The following ZNF557 variants were observed in gnomAD, a reference collection of about 807,000 sequenced individuals.
ZNF557 encodes the protein CTB-25J19.9.
A neutral mutation model predicts 21.2 loss-of-function variants in ZNF557; 19 were observed. The ratio of observed to expected loss-of-function variants is 0.90; its 90% CI spans 0.63 to 1.32. ZNF557 has a LOEUF of 1.32. ZNF557 is among the 40% of genes most tolerant of loss of function. ZNF557 has a pLI of 0.00. For synonymous variants in ZNF557, 207 were observed against 194.8 expected (o/e 1.06, Z -0.52); for missense variants, 487 against 519.8 (o/e 0.94, Z 0.61).
chr19:7,082,660 ACT>A (rs1462958521), intron 7 of ZNF557, among the ~76,000 whole-genome samples: 1 of 152,148 alleles, frequency 6.6e-6, no homozygotes, highest in African/African-American at 2.4e-5. Flanking sequence ...TATCAAAAAT[ACT>A]CTGTGAATAT....
chr19:7,077,026 A>G (rs901612299), intron 5 of ZNF557, among the ~76,000 whole-genome samples: 6 of 151,234 alleles, frequency 4.0e-5, no homozygotes, highest in African/African-American at 1.2e-4. Flanking sequence ...GGGATTACAG[A>G]TGTGAGCTAC....
chr19:7,075,625 G>A (rs750300147), intron 3 of ZNF557, 30 bp from the exon 4 acceptor site: 1 of 1,609,540 alleles, frequency 6.2e-7, no homozygotes, highest in Non-Finnish European at 8.5e-7. Flanking sequence ...GGCAGGTGTG[G>A]ATTCCTGGTA....
At chr19:7,080,163 G>T (rs974304229) in intron 5 of ZNF557, among the ~76,000 whole-genome samples, 1 of 152,110 alleles carries the variant, frequency 6.6e-6, no homozygotes, top group Admixed American at 6.5e-5. Context: ...AATCAGCCAG[G>T]CGTGGTGGCA....
chr19:7,082,745 C>T, intron 7 of ZNF557, 133 bp from the exon 8 acceptor site: 1 of 791,308 alleles, frequency 1.3e-6, no homozygotes, highest in Non-Finnish European at 1.9e-6. Context: ...CATGTACCAG[C>T]ACTCATGATG....
At chr19:7,073,153 T>TG (rs1568405639) in intron 2 of ZNF557, among the ~76,000 whole-genome samples, 1 of 50,320 alleles carries the variant, frequency 2.0e-5, no homozygotes, top group African/African-American at 8.1e-5. Context: ...TTTTGGTTTT[T>TG]TTTGTTTTTT....
Position 7,082,864 on chromosome 19 carries a change from C to T in ZNF557, c.427-14C>T, listed in dbSNP as rs1207264427. 2.6e-6 allele frequency: 4 copies of T among 1,544,320 alleles called. No homozygotes were observed. Among genetic ancestry groups the T allele is most frequent in the Non-Finnish European group, 8.7e-7 (1 of 1,148,482 alleles). Reference sequence around the variant, plus strand: ...TATTATAAATGGTACTTATTGTCATCTCTTAATCAATAGGAGAGGAATCAT... The same window carrying T: ...TATTATAAATGGTACTTATTGTCATTTCTTAATCAATAGGAGAGGAATCAT... On this transcript the variant is annotated splice_polypyrimidine_tract_variant and intron_variant, in intron 7 of 7. Transcript: ENST00000252840.
In ZNF557 at chr19:7,077,135, T is replaced by TTTC. The variant is rs1977601457; in HGVS notation, c.247+630_247+631insCTT. ...TGCTTAGCATAATGTTTTCTTTCTT[T>TTTC]TTTTTTTTTTTTTTTTTTGAGATGG... On this transcript the variant is annotated intron_variant, in intron 5 of 7. Transcript: ENST00000252840. 2.4e-5 allele frequency among the ~76,000 whole-genome samples: 3 copies of TTTC among 127,278 alleles called. No individual in the cohort carries two copies. In the South Asian group the frequency reaches 8.3e-4, roughly 35 times the overall value. The allele number at this position is 127,278 out of a possible 152,430, so 83.5% of individuals were successfully genotyped here.
Position 7,074,992 on chromosome 19 carries a change from C to A in ZNF557, c.-79-4C>A. On this transcript the variant is annotated splice_region_variant and splice_polypyrimidine_tract_variant and intron_variant, in intron 2 of 7. Coordinates refer to ENST00000252840, the MANE Select transcript of ZNF557 (RefSeq NM_024341.3). ...AGGCAGAGTGTTCCCCCCATTTCTT[C>A]CAGGGTGCTGTCCTGAGAGCGCTGC... The A allele has an allele frequency of 1.2e-6, 2 of 1,609,000 alleles. No homozygotes were observed. The highest frequency in any genetic ancestry group is 8.5e-7 in the Non-Finnish European group (1 of 1,177,272).
intron 5 of ZNF557, among the ~76,000 whole-genome samples, chr19:7,078,491 C>CA: frequency 1.3e-5 from 2 of 150,654 alleles, no homozygotes; most frequent in Non-Finnish European, 2.9e-5. Flanking sequence ...AGTGCACTGG[C>CA]ACGATCTCAG....
Position 7,083,504 on chromosome 19 carries a change from TG to T in ZNF557, c.1054del (p.Glu352SerfsTer44). 6.2e-7 allele frequency: 1 copy of T among 1,614,190 alleles called. No homozygotes were observed. The highest frequency in any genetic ancestry group is 1.6e-4 in the Middle Eastern group (1 of 6,062). The stretch of plus-strand genomic sequence containing the variant: ...CTGGAGAAAAACCCTACACATGTAA[TG>T]AGTGTGGGAAATCCTTTACCAATAG... ...HTGEKPYTCN[E>X]CGKSFTNSFS... On this transcript the variant is annotated frameshift_variant, in exon 8 of 8. Coordinates refer to ENST00000252840, the MANE Select transcript of ZNF557 (RefSeq NM_024341.3). LOFTEE classifies it low-confidence loss of function (END_TRUNC).
intron 2 of ZNF557, among the ~76,000 whole-genome samples, chr19:7,074,178 T>C (rs1021082445): frequency 6.6e-6 from 1 of 151,882 alleles, no homozygotes; most frequent in Non-Finnish European, 1.5e-5. Context: ...TTTTTTATTT[T>C]TATTTTTTTA....
intron 6 of ZNF557, 72 bp downstream of exon 6, chr19:7,081,527 T>A: frequency 9.9e-7 from 1 of 1,007,308 alleles, no homozygotes; most frequent in Non-Finnish European, 1.5e-6. Flanking sequence ...GGGAGTATTA[T>A]AATACATTAG....
chr19:7,075,646 C>T lies in ZNF557; in HGVS notation c.32-9C>T, dbSNP rs1224319758. 2 of 1,612,882 alleles carry T rather than the reference C, an allele frequency of 1.2e-6. No homozygotes were observed. Among genetic ancestry groups the T allele is most frequent in the Non-Finnish European group, 1.7e-6 (2 of 1,179,172 alleles). On this transcript the variant is annotated splice_polypyrimidine_tract_variant and intron_variant, in intron 3 of 7. Transcript: ENST00000252840. ...TGTGGATTCCTGGTACTCATTTCTC[C>T]TCCTCCAGCTCTGTCTTCCCTGTTC...
rs751570081 is a variant in ZNF557, at chr19:7,082,954, C to A, written c.503C>A (p.Thr168Lys). ...GTCTTCAGCACAAAATCTTCCCTTA[C>A]ACGGCACAGGAAGATTCATACTGGA... ...FKVFSTKSSL[T>K]RHRKIHTGER... is the part of the protein sequence containing the mutation. The change falls in exon 8 of 8, where the codon ACA (threonine) becomes AAA (lysine). Residue 168 changes from threonine (T) to lysine (K), a missense_variant. Thr to Lys is a moderately conservative substitution (Grantham distance 78, BLOSUM62 -1). Transcript: ENST00000252840. 2.5e-6 allele frequency: 4 copies of A among 1,613,806 alleles called. No homozygotes were observed. Among genetic ancestry groups the A allele is most frequent in the South Asian group, 2.2e-5 (2 of 91,028 alleles).
chr19:7,082,003 C>T lies in ZNF557; in HGVS notation c.377C>T (p.Thr126Ile). 6.2e-7 allele frequency: 1 copy of T among 1,614,004 alleles called. No homozygotes were observed. The highest frequency in any genetic ancestry group is 8.5e-7 in the Non-Finnish European group (1 of 1,179,902). Residue 126 changes from threonine (T) to isoleucine (I), a missense_variant, in exon 7 of 8, where the codon ACT becomes ATT. Thr to Ile is a moderately conservative substitution (Grantham distance 89). Transcript: ENST00000252840. ...AATCCATTTAAAGCCAAAGGGTTAA[C>T]TCCTAAGCTGCATGTTTTTCGAAAA... ...VENPFKAKGLTPKLHVFRKEQ... is the reference protein window; with the variant it reads ...VENPFKAKGLIPKLHVFRKEQ...
chr19:7,083,706 C>G lies in ZNF557; in HGVS notation c.1255C>G (p.Leu419Val). 3 of 1,613,094 alleles carry G rather than the reference C, an allele frequency of 1.9e-6. 1 individual carries two copies. In the South Asian group the frequency reaches 3.3e-5, roughly 18 times the overall value. The change falls in exon 8 of 8, where the codon CTT becomes GTT. Residue 419 changes from leucine (L) to valine (V), a missense_variant. Physicochemically the swap from Leu to Val is conservative, Grantham distance 32. Coordinates refer to ENST00000252840, the MANE Select transcript of ZNF557 (RefSeq NM_024341.3). ...CGKSFTSNSY[L>V]SVHTRMHNRQ... is the part of the protein sequence containing the mutation. ...GAAATCCTTCACAAGTAACTCCTAC[C>G]TTTCTGTGCATACGAGAATGCATAA...
rs79153078 is a variant in ZNF557, at chr19:7,075,793, T to C, written c.120+50T>C. ...AATCATGATTCCTTCAGCCAGAAGG[T>C]TGGACTTGATGCCTTTCAGTGGCCT... On this transcript the variant is annotated intron_variant, in intron 4 of 7. Coordinates refer to ENST00000252840, the MANE Select transcript of ZNF557 (RefSeq NM_024341.3). 16,980 of 1,597,624 alleles carry C rather than the reference T, an allele frequency of 0.011. 1,274 individuals are homozygous for C. In the East Asian group the frequency reaches 0.23, roughly 21 times the overall value.
intron 5 of ZNF557, among the ~76,000 whole-genome samples, chr19:7,077,955 A>G (rs555583408): frequency 1.3e-5 from 2 of 152,196 alleles, no homozygotes; most frequent in African/African-American, 4.8e-5. Flanking sequence ...ATCTTTTTTG[A>G]AGAAATGTTC....
chr19:7,073,159 T>TTG (rs1015745802), intron 2 of ZNF557, among the ~76,000 whole-genome samples: 2 of 148,048 alleles, frequency 1.4e-5, no homozygotes, highest in African/African-American at 5.0e-5. Flanking sequence ...TTTTTTTTGT[T>TTG]TTTTTTTTTT....
Sources: allele counts gnomAD v4.1 joint callset (sites outside exome capture counted in the v4.1 genomes callset), GRCh38; gene constraint gnomAD v4.1.1; transcripts MANE v1.5; gene names NCBI Gene and HGNC (gene_info 2026-07-23, HGNC 2026-07-21).